KDM6A: variants seen among roughly 807,000 people sequenced by gnomAD.
The protein encoded by KDM6A is lysine demethylase 6A.
In KDM6A, 11 loss-of-function variants were observed where a neutral mutation model predicts 117.6. The ratio of observed to expected loss-of-function variants is 0.09; its 90% CI spans 0.06 to 0.15. The LOEUF (loss-of-function observed/expected upper bound fraction) is 0.15. Among genes scored for constraint, KDM6A ranks in the 10% least tolerant of loss-of-function variants. The pLI is 1.00. For missense variants in KDM6A, 799 were observed against 1,077.3 expected, an observed-to-expected ratio of 0.74 and a Z score of 3.62; for synonymous variants, 384 against 396.1, an observed-to-expected ratio of 0.97 and a Z score of 0.36.
At chrX:44,967,033 C>G (rs2039063830) in intron 3 of KDM6A, among the ~76,000 whole-genome samples, 1 of 110,393 alleles carries the variant, frequency 9.1e-6, no homozygotes, top group South Asian at 3.9e-4. Context: ...CCACGCCCGG[C>G]TAATTTTTTG....
intron 27 of KDM6A, among the ~76,000 whole-genome samples, chrX:45,106,027 G>C (rs2046518956): frequency 9.1e-6 from 1 of 109,952 alleles, no homozygotes. Context: ...CCTTCCCCTA[G>C]GTCTGTGGAA....
At chrX:45,017,259 A>G (rs1353996160) in intron 5 of KDM6A, among the ~76,000 whole-genome samples, 1 of 111,992 alleles carries the variant, frequency 8.9e-6, no homozygotes, top group Non-Finnish European at 1.9e-5. Flanking sequence ...CTCATGTTCT[A>G]AAATTCCATC....
At chrX:44,887,807 A>C (rs2146568530) in intron 2 of KDM6A, among the ~76,000 whole-genome samples, 1 of 111,266 alleles carries the variant, frequency 9.0e-6, no homozygotes, top group African/African-American at 3.3e-5. Context: ...GTTCAGGACC[A>C]GACTGAGCAA....
intron 6 of KDM6A, among the ~76,000 whole-genome samples, chrX:45,028,726 G>A (rs1167974761): frequency 1.8e-5 from 2 of 111,687 alleles, no homozygotes; most frequent in Non-Finnish European, 3.8e-5. Context: ...TTTCTGATAC[G>A]AGGCAACCTC....
chrX:44,873,717 G>T lies in KDM6A; in HGVS notation c.161+5G>T. ...GGCGCTCGGCGGACTGGACAGGTAC[G>T]GGCCGCCGTCACTCGCCCGGTCGGC... On this transcript the variant is annotated splice_donor_5th_base_variant and intron_variant, in intron 1 of 29. Coordinates refer to ENST00000611820, the MANE Select transcript of KDM6A (RefSeq NM_001291415.2). 8.6e-7 allele frequency: 1 copy of T among 1,165,584 alleles called. No individual in the cohort carries two copies. Among genetic ancestry groups the T allele is most frequent in the Non-Finnish European group, 1.1e-6 (1 of 872,193 alleles).
intron 4 of KDM6A, among the ~76,000 whole-genome samples, chrX:44,977,918 TTATGTAGCTA>T (rs776773431): frequency 4.6e-4 from 52 of 112,591 alleles, no homozygotes; most frequent in Non-Finnish European, 8.6e-4. Context: ...TTTTACTGTT[TTATGTAGCTA>T]TATAACATGT....
chrX:44,876,456 G>T (rs1304460160), intron 2 of KDM6A, among the ~76,000 whole-genome samples: 1 of 110,311 alleles, frequency 9.1e-6, no homozygotes, highest in Non-Finnish European at 1.9e-5. Context: ...ATTTTTTGTG[G>T]AATGTTGAGC....
chrX:44,962,334 CTG>C (rs1449786632), intron 3 of KDM6A, among the ~76,000 whole-genome samples: 2 of 111,861 alleles, frequency 1.8e-5, no homozygotes, highest in African/African-American at 3.3e-5. Flanking sequence ...CAGCTTAGCT[CTG>C]TTATATACAG....
chrX:44,982,099 AT>A (rs1221974346), intron 4 of KDM6A, among the ~76,000 whole-genome samples: 16 of 107,901 alleles, frequency 1.5e-4, no homozygotes, highest in East Asian at 5.8e-4. Flanking sequence ...CCTTTTTCTT[AT>A]TTTTTTTTTC....
chrX:45,045,969 G>T (rs1026826831), intron 8 of KDM6A, among the ~76,000 whole-genome samples: 4 of 111,563 alleles, frequency 3.6e-5, no homozygotes, highest in African/African-American at 9.8e-5. Context: ...TTTGAAGCAA[G>T]TATTACATCC....
chrX:45,060,598 G>A lies in KDM6A; in HGVS notation c.1330-11G>A. On this transcript the variant is annotated splice_polypyrimidine_tract_variant and intron_variant, in intron 13 of 29. Coordinates refer to ENST00000611820, the MANE Select transcript of KDM6A (RefSeq NM_001291415.2). ...AGAACCCTATTTTTGTCTTCCTTCTGTGATTCTTAGGCATGTAAACCTCAT... is the reference window on the plus strand; with the variant it reads ...AGAACCCTATTTTTGTCTTCCTTCTATGATTCTTAGGCATGTAAACCTCAT... 1 of 1,045,016 alleles carries A rather than the reference G, an allele frequency of 9.6e-7. No individual in the cohort carries two copies. Among genetic ancestry groups the A allele is most frequent in the South Asian group, 2.0e-5 (1 of 49,106 alleles). The allele number at this position is 1,045,016 out of a possible 1,213,427, so 86.1% of individuals were successfully genotyped here. A position where few individuals can be genotyped will look rare whatever the true frequency, so the allele number is the denominator to read the frequency against.
intron 2 of KDM6A, among the ~76,000 whole-genome samples, chrX:44,937,345 A>G (rs1016875777): frequency 2.7e-5 from 3 of 111,701 alleles, no homozygotes; most frequent in African/African-American, 9.8e-5. Context: ...ATATGTATAT[A>G]TGTAAACAAA....
At chrX:45,007,566 G>GT (rs2041560341) in intron 4 of KDM6A, among the ~76,000 whole-genome samples, 3 of 111,629 alleles carry the variant, frequency 2.7e-5, no homozygotes, top group South Asian at 3.7e-4. Context: ...TTTTAATTCT[G>GT]TTTTTTTCCA....
chrX:45,107,917 T>G (rs1164536143), intron 28 of KDM6A, among the ~76,000 whole-genome samples: 1 of 111,748 alleles, frequency 8.9e-6, no homozygotes, highest in Non-Finnish European at 1.9e-5. Flanking sequence ...TAACAATACA[T>G]TTGTCAATCT....
At chrX:45,000,931 A>G (rs1026513036) in intron 4 of KDM6A, among the ~76,000 whole-genome samples, 16 of 113,318 alleles carry the variant, frequency 1.4e-4, no homozygotes, top group African/African-American at 5.1e-4. Context: ...GCGCACAAGC[A>G]TAGCAATTGC....
At chrX:45,057,295 A>C (rs547158628) in intron 10 of KDM6A, among the ~76,000 whole-genome samples, 4 of 111,930 alleles carry the variant, frequency 3.6e-5, no homozygotes, top group African/African-American at 1.3e-4. Context: ...ATTCTTCCCC[A>C]GACCAGCTCT....
At chrX:44,949,984 CAAATT>C (rs1026917181) in intron 2 of KDM6A, among the ~76,000 whole-genome samples, 5 of 109,466 alleles carry the variant, frequency 4.6e-5, no homozygotes, top group African/African-American at 1.7e-4. Flanking sequence ...GTAGCACAAG[CAAATT>C]AAATTAAAAA....
At chrX:45,099,009 C>T (rs2046224584) in intron 27 of KDM6A, among the ~76,000 whole-genome samples, 1 of 111,980 alleles carries the variant, frequency 8.9e-6, no homozygotes. Flanking sequence ...ACAGCGAATA[C>T]CTGTGTAACC....
At chrX:44,973,575 C>T (rs2039468767) in intron 3 of KDM6A, among the ~76,000 whole-genome samples, 1 of 110,833 alleles carries the variant, frequency 9.0e-6, no homozygotes, top group Non-Finnish European at 1.9e-5. Flanking sequence ...GTTCTGTTGC[C>T]TTATTTCTAG....
Sources: gnomAD v4.1 joint callset for allele counts (sites outside exome capture counted in the v4.1 genomes callset) on GRCh38, gnomAD v4.1.1 for gene constraint, MANE v1.5 for transcripts, NCBI Gene and HGNC (gene_info 2026-07-23, HGNC 2026-07-21) for gene names.